Variants in PITPNM2 observed in about 807,000 individuals in gnomAD.
The protein encoded by PITPNM2 is membrane-associated phosphatidylinositol transfer protein 2.
PITPNM2 carries 35 observed loss-of-function variants against 132.2 expected under a neutral mutation model. The ratio of observed to expected loss-of-function variants is 0.26; its 90% CI spans 0.20 to 0.35. The LOEUF (loss-of-function observed/expected upper bound fraction) is 0.35. PITPNM2 is among the 10% of genes least tolerant of loss of function. The pLI, the probability that PITPNM2 is intolerant of heterozygous loss-of-function variation, is 1.00. For synonymous variants in PITPNM2, 738 were observed against 799.2 expected (o/e 0.92, Z 1.29); for missense variants, 1,332 against 1,912.0 (o/e 0.70, Z 5.66).
Position 122,990,565 on chromosome 12 carries a change from G to A in PITPNM2, c.2549C>T (p.Thr850Met), listed in dbSNP as rs758915042. 32 of 1,612,830 alleles carry A rather than the reference G, an allele frequency of 2.0e-5. No individual in the cohort carries two copies. The highest frequency in any genetic ancestry group is 1.6e-4 in the Middle Eastern group (1 of 6,082). The change falls in exon 17 of 26, where the codon ACG becomes ATG. Residue 850 changes from threonine to methionine, a missense_variant. This residue lies in a region of PITPNM2 where 710 missense variants were observed against 911.5 expected (regional missense o/e 0.78). Transcript: ENST00000320201. ...SQVSGMAESY[T>M]ASSIAQKAPD... ...CTCACTCTGGGCGATGCTGGATGCC[G>A]TGTAGCTCTCAGCCATGCCTGACAC...
At chr12:123,066,329 C>T (rs1467547338) in intron 2 of PITPNM2, among the ~76,000 whole-genome samples, 3 of 152,096 alleles carry the variant, frequency 2.0e-5, no homozygotes, top group Non-Finnish European at 2.9e-5. Context: ...TGGGCTGGTG[C>T]AGGCAGGGGC....
At position 122,996,883 on chromosome 12, in the gene PITPNM2, G is replaced by T. The variant is rs757594328; in HGVS notation, c.1500C>A (p.Gly500=). 1.3e-5 allele frequency: 21 copies of T among 1,584,170 alleles called. No homozygotes were observed. In the East Asian group the frequency reaches 2.5e-4, roughly 19 times the overall value. ...TGTGGTCCTGACTGCTGGACAGACA[G>T]CCTTCGTCATGGCTGTAGGGGCTGA... ...SNLSPYSHDE[G]CLSSSQDHIP... is the part of the protein sequence containing the mutation. Residue 500 remains glycine (G), a synonymous_variant, in exon 12 of 26, where the codon GGC becomes GGA. Transcript: ENST00000320201.
Position 123,005,766 on chromosome 12 carries a change from T to G in PITPNM2, c.644-218A>C. Reference sequence around the variant, plus strand: ...CACAAGCTCATAGTGGTTCTATAATTAGAGTGGAGGGGCCTCCCAAAGCAA... The same window carrying G: ...CACAAGCTCATAGTGGTTCTATAATGAGAGTGGAGGGGCCTCCCAAAGCAA... On this transcript the variant is annotated intron_variant, in intron 6 of 25. Coordinates refer to ENST00000320201, the MANE Select transcript of PITPNM2 (RefSeq NM_020845.3). This position sits in a 1 kb window ranked among gnomAD's most constrained non-coding sequence, Gnocchi z 6.2. 1 of 566,954 alleles carries G rather than the reference T, an allele frequency of 1.8e-6. No individual in the cohort carries two copies. The highest frequency in any genetic ancestry group is 3.1e-6 in the Non-Finnish European group (1 of 321,558). The allele number at this position is 566,954 out of a possible 1,614,324, so 35.1% of individuals were successfully genotyped here. A position where few individuals can be genotyped will look rare whatever the true frequency, so the allele number is the denominator to read the frequency against.
intron 3 of PITPNM2, among the ~76,000 whole-genome samples, chr12:123,016,116 A>G (rs2039415231): frequency 6.6e-6 from 1 of 152,092 alleles, no homozygotes. Context: ...ACTTGAGGCC[A>G]GGAGTTAGAG....
chr12:123,009,857 G>A lies in PITPNM2; in HGVS notation c.636C>T (p.His212=), dbSNP rs547708516. 13 of 1,614,088 alleles carry A rather than the reference G, an allele frequency of 8.1e-6. No homozygotes were observed. In the East Asian group the frequency reaches 1.1e-4, roughly 14 times the overall value. Residue 212 remains histidine, a synonymous_variant, in exon 6 of 26, where the codon CAC becomes CAT. Coordinates refer to ENST00000320201, the MANE Select transcript of PITPNM2 (RefSeq NM_020845.3). This position sits in a 1 kb window ranked among gnomAD's most constrained non-coding sequence, Gnocchi z 4.8. ...GMQSKIERFI[H]DTGLRRVMVR... Reference sequence around the variant, plus strand: ...TGGCATGGGTGTGCTCACCGGTGTCGTGGATGAACCTCTCGATCTTGGACT... The same window carrying A: ...TGGCATGGGTGTGCTCACCGGTGTCATGGATGAACCTCTCGATCTTGGACT...
chr12:123,010,941 A>G (rs1365612776), intron 5 of PITPNM2, among the ~76,000 whole-genome samples: 2 of 152,242 alleles, frequency 1.3e-5, no homozygotes, highest in Admixed American at 1.3e-4. Flanking sequence ...GTAGGAGTGC[A>G]GAAAACAGGC....
chr12:122,991,650 C>A, intron 16 of PITPNM2: 1 of 1,176,188 alleles, frequency 8.5e-7, no homozygotes, highest in Non-Finnish European at 1.1e-6. Context: ...CCACCCAGGT[C>A]CCACGAACTG....
intron 3 of PITPNM2, among the ~76,000 whole-genome samples, chr12:123,030,820 G>A: frequency 6.6e-6 from 1 of 152,198 alleles, no homozygotes; most frequent in Non-Finnish European, 1.5e-5. Flanking sequence ...AAAACGTAAT[G>A]AGGCACTGAC....
At position 123,118,556 on chromosome 12, in the gene PITPNM2, G is replaced by T. The variant is rs573881871; in HGVS notation, c.-199-8068C>A. 1.3e-4 allele frequency among the ~76,000 whole-genome samples: 20 copies of T among 152,324 alleles called. No individual in the cohort carries two copies. In the South Asian group the frequency reaches 3.3e-3, roughly 25 times the overall value. ...GGTCACAAAGCTCTTCCCAATAGTG[G>T]AAAACATTAGTTCATGATGAGAAAC... On this transcript the variant is annotated intron_variant, in intron 1 of 25. Transcript: ENST00000320201.
chr12:123,059,364 G>C (rs2041154239), intron 2 of PITPNM2, among the ~76,000 whole-genome samples: 2 of 152,220 alleles, frequency 1.3e-5, no homozygotes, highest in Non-Finnish European at 1.5e-5. Flanking sequence ...GAGAAGGTCA[G>C]GGAGGAACTG....
In PITPNM2 at chr12:122,997,472, G is replaced by C; in HGVS notation, c.1325C>G (p.Pro442Arg). 1 of 1,613,582 alleles carries C rather than the reference G, an allele frequency of 6.2e-7. No homozygotes were observed. The highest frequency in any genetic ancestry group is 8.5e-7 in the Non-Finnish European group (1 of 1,180,016). ...GTILDTGAGD[P>R]SSKKGDANTI... ...GTTAGCATCGCCCTTCTTGGAGCTG[G>C]GGTCCCCGGCGCCTGTGTCCAGGAT... The change falls in exon 11 of 26, where the codon CCC becomes CGC. Residue 442 changes from proline (P) to arginine (R), a missense_variant. Transcript: ENST00000320201.
rs1391754166 is a variant in PITPNM2 at position 123,083,583 on chromosome 12, A to G, written c.-96+26802T>C. ...GCTAACTGCTTCGAGTCTTTCCCCC[A>G]GATGTAACATGTCTATGGGAGGATT... On this transcript the variant is annotated intron_variant, in intron 2 of 25. Coordinates refer to ENST00000320201, the MANE Select transcript of PITPNM2 (RefSeq NM_020845.3). This position sits in a 1 kb window ranked among gnomAD's most constrained non-coding sequence, Gnocchi z 4.5. The G allele has an allele frequency of 6.6e-6, 1 of 152,196 alleles. No homozygotes were observed. Among genetic ancestry groups the G allele is most frequent in the Admixed American group, 6.5e-5 (1 of 15,282 alleles). 9.4% of individuals were successfully genotyped at this position (152,196 alleles called of 1,614,324 possible).
Position 123,099,562 on chromosome 12 carries a change from C to T in PITPNM2, c.-96+10823G>A, listed in dbSNP as rs1185014069. Among the ~76,000 whole-genome samples, 1 of 152,196 alleles carries T rather than the reference C, an allele frequency of 6.6e-6. No individual in the cohort carries two copies. Among genetic ancestry groups the T allele is most frequent in the African/African-American group, 2.4e-5 (1 of 41,434 alleles). On this transcript the variant is annotated intron_variant, in intron 2 of 25. Transcript: ENST00000320201. This position sits in a 1 kb window ranked among gnomAD's most constrained non-coding sequence, Gnocchi z 4.2. Reference sequence around the variant, plus strand: ...CATCATCTCCTTCCACATGGCCGATCATAGAGCAGGAGCCCAGTGCAGAGG... The same window carrying T: ...CATCATCTCCTTCCACATGGCCGATTATAGAGCAGGAGCCCAGTGCAGAGG...
At chr12:123,006,598 A>T (rs999993026) in intron 6 of PITPNM2, among the ~76,000 whole-genome samples, 1 of 151,002 alleles carries the variant, frequency 6.6e-6, no homozygotes, top group Admixed American at 6.6e-5. Context: ...CTGTGGTCCC[A>T]GCTACTTGTG....
rs545920303 is a variant in PITPNM2 at position 123,022,192 on chromosome 12, G to A, written c.79-8150C>T. Among the ~76,000 whole-genome samples, 35 of 152,270 alleles carry A rather than the reference G, an allele frequency of 2.3e-4. No individual in the cohort carries two copies. Among genetic ancestry groups the A allele is most frequent in the Non-Finnish European group, 4.4e-4 (30 of 68,028 alleles). Reference sequence around the variant, plus strand: ...GAGGGGCCAGGCAGCACGGCTCTCCGCTCAGCCTTTTTCTGGTCCTGGATC... The same window carrying A: ...GAGGGGCCAGGCAGCACGGCTCTCCACTCAGCCTTTTTCTGGTCCTGGATC... On this transcript the variant is annotated intron_variant, in intron 3 of 25. Coordinates refer to ENST00000320201, the MANE Select transcript of PITPNM2 (RefSeq NM_020845.3). This position sits in a 1 kb window ranked among gnomAD's most constrained non-coding sequence, Gnocchi z 4.9.
chr12:123,097,262 C>T lies in PITPNM2; in HGVS notation c.-96+13123G>A, dbSNP rs572905904. Reference sequence around the variant, plus strand: ...TTTGCCATGTTGGCCAGGCTGGTCTCGAACTCCTGACCTCAGGTGATCCAC... The same window carrying T: ...TTTGCCATGTTGGCCAGGCTGGTCTTGAACTCCTGACCTCAGGTGATCCAC... On this transcript the variant is annotated intron_variant, in intron 2 of 25. Coordinates refer to ENST00000320201, the MANE Select transcript of PITPNM2 (RefSeq NM_020845.3). This position sits in a 1 kb window ranked among gnomAD's most constrained non-coding sequence, Gnocchi z 4.7. Among the ~76,000 whole-genome samples the T allele has an allele frequency of 1.6e-4, 24 of 152,256 alleles. 1 individual carries two copies. In the South Asian group the frequency reaches 4.1e-3, roughly 26 times the overall value.
intron 2 of PITPNM2, among the ~76,000 whole-genome samples, chr12:123,107,212 C>T (rs1244551358): frequency 1.3e-5 from 2 of 152,202 alleles, no homozygotes; most frequent in African/African-American, 4.8e-5. Flanking sequence ...CCTGCCTGAG[C>T]CACGGGGAGT....
chr12:123,050,076 G>A (rs946480276), intron 2 of PITPNM2, among the ~76,000 whole-genome samples: 4 of 152,218 alleles, frequency 2.6e-5, no homozygotes, highest in African/African-American at 9.7e-5. Flanking sequence ...TTTTCATGGA[G>A]CCAGACTTGC....
intron 2 of PITPNM2, among the ~76,000 whole-genome samples, chr12:123,066,727 C>G (rs542213636): frequency 8.5e-5 from 13 of 152,280 alleles, no homozygotes; most frequent in Admixed American, 8.5e-4. Flanking sequence ...CCACATGCAG[C>G]CTTTCTCCTC....
Sources: gnomAD v4.1 joint callset for allele counts (sites outside exome capture counted in the v4.1 genomes callset) on GRCh38, gnomAD v4.1.1 for gene constraint, gnomAD v4.1.1 regional missense constraint, Gnocchi (gnomAD v3.1) non-coding constraint, MANE v1.5 for transcripts, NCBI Gene and HGNC (gene_info 2026-07-23, HGNC 2026-07-21) for gene names.